ODAD2: variants seen among roughly 807,000 people sequenced by gnomAD.
The protein encoded by ODAD2 is outer dynein arm-docking complex subunit 2.
A neutral mutation model predicts 106.8 loss-of-function variants in ODAD2; 89 were observed. The ratio of observed to expected loss-of-function variants is 0.83; its 90% CI spans 0.70 to 0.99. The LOEUF is 0.99. Among genes scored for constraint, ODAD2 ranks in the 50% least tolerant of loss-of-function variants. The probability of loss-of-function intolerance (pLI) is 0.00; values close to 1 mark genes in which losing one functional copy is unlikely to be tolerated. For synonymous variants in ODAD2, 404 were observed against 436.2 expected, an observed-to-expected ratio of 0.93 and a Z score of 0.92; for missense variants, 1,168 against 1,238.5, an observed-to-expected ratio of 0.94 and a Z score of 0.85.
chr10:27,966,397 C>G (rs1833058), intron 9 of ODAD2, among the ~76,000 whole-genome samples: 57,753 of 152,084 alleles, frequency 0.38, 12,366 homozygotes, highest in Middle Eastern at 0.59. Flanking sequence ...TCCTGGAGTT[C>G]AGGGCAGAGT....
chr10:27,848,256 G>A (rs563952590), intron 19 of ODAD2, among the ~76,000 whole-genome samples: 1 of 152,228 alleles, frequency 6.6e-6, no homozygotes, highest in Admixed American at 6.5e-5. Context: ...AGAGCCCTCA[G>A]AAATAATACT....
chr10:27,851,196 C>T (rs915977045), intron 19 of ODAD2, among the ~76,000 whole-genome samples: 2 of 152,108 alleles, frequency 1.3e-5, no homozygotes, highest in African/African-American at 4.8e-5. Flanking sequence ...TCATAATGCA[C>T]AGGGTATCAG....
At chr10:27,877,141 C>T (rs1433338387) in intron 17 of ODAD2, among the ~76,000 whole-genome samples, 1 of 152,148 alleles carries the variant, frequency 6.6e-6, no homozygotes, top group African/African-American at 2.4e-5. Flanking sequence ...AGAGTATTAG[C>T]TGTGTCTGAT....
chr10:27,990,565 A>G (rs1850166508), intron 2 of ODAD2, among the ~76,000 whole-genome samples: 1 of 152,256 alleles, frequency 6.6e-6, no homozygotes, highest in South Asian at 2.1e-4. Flanking sequence ...GTCCTCAGGG[A>G]CAAAAAATAA....
intron 19 of ODAD2, among the ~76,000 whole-genome samples, chr10:27,839,377 G>T (rs1289054700): frequency 2.0e-5 from 3 of 152,124 alleles, no homozygotes; most frequent in Non-Finnish European, 4.4e-5. Context: ...TAACTCAGAG[G>T]GAAATGACTT....
At chr10:27,863,227 C>G (rs1158991778) in intron 17 of ODAD2, among the ~76,000 whole-genome samples, 1 of 152,192 alleles carries the variant, frequency 6.6e-6, no homozygotes, top group African/African-American at 2.4e-5. Flanking sequence ...CACACCACAG[C>G]CTTCTTGCCC....
intron 17 of ODAD2, among the ~76,000 whole-genome samples, chr10:27,871,982 C>G (rs1370844294): frequency 1.3e-5 from 2 of 152,192 alleles, no homozygotes; most frequent in Non-Finnish European, 2.9e-5. Flanking sequence ...TTCTTCCTAT[C>G]CAAGAGCATG....
intron 16 of ODAD2, 91 bp from the exon 17 acceptor site, chr10:27,907,868 C>A: frequency 1.1e-6 from 1 of 899,126 alleles, no homozygotes; most frequent in East Asian, 2.7e-5. Context: ...ATTTTTTCTC[C>A]TTTTGATATT....
intron 10 of ODAD2, among the ~76,000 whole-genome samples, chr10:27,948,033 A>G (rs1447313039): frequency 6.6e-6 from 1 of 152,188 alleles, no homozygotes; most frequent in East Asian, 1.9e-4. Context: ...TTTTACTATA[A>G]CCAATGACAT....
rs987899802 is a variant in ODAD2 at position 27,864,674 on chromosome 10, T to G, written c.2611-2052A>C. Among the ~76,000 whole-genome samples, 7 of 151,592 alleles carry G rather than the reference T, an allele frequency of 4.6e-5. No homozygotes were observed. The South Asian group carries it at 1.5e-3, about 32-fold the overall frequency. On this transcript the variant is annotated intron_variant, in intron 17 of 19. Transcript: ENST00000305242. ...AGTGGGCTCTTTCTGGTGTCCCAGG[T>G]GTGGGCCAAGGAAAAGAATTTGTCA...
At chr10:27,837,156 G>A (rs1342860723) in intron 19 of ODAD2, among the ~76,000 whole-genome samples, 2 of 152,226 alleles carry the variant, frequency 1.3e-5, no homozygotes, top group Admixed American at 6.5e-5. Flanking sequence ...CATCTCGGCT[G>A]CCTCTCTGGG....
chr10:27,995,108 G>T lies in ODAD2; in HGVS notation c.35C>A (p.Thr12Asn), dbSNP rs1588679663. Residue 12 changes from threonine (T) to asparagine (N), a missense_variant, in exon 2 of 20, where the codon ACT becomes AAT. Physicochemically the swap from Thr to Asn is moderately conservative, Grantham distance 65. This residue lies in a region of ODAD2 where 430 missense variants were observed against 452.2 expected (regional missense o/e 0.95). Transcript: ENST00000305242. ...GATTCCAGTTCCATGTCCGGCAGCAGTCCACTGCGTCAATTTCCTCAGAGC... is the reference window on the plus strand; with the variant it reads ...GATTCCAGTTCCATGTCCGGCAGCATTCCACTGCGTCAATTTCCTCAGAGC... ...GVALRKLTQW[T>N]AAGHGTGILE... 10 of 1,614,120 alleles carry T rather than the reference G, an allele frequency of 6.2e-6. No homozygotes were observed. The South Asian group carries it at 9.9e-5, about 16-fold the overall frequency.
At chr10:27,941,575 C>T (rs951712263) in intron 12 of ODAD2, among the ~76,000 whole-genome samples, 1 of 145,386 alleles carries the variant, frequency 6.9e-6, no homozygotes, top group African/African-American at 2.5e-5. Flanking sequence ...CCAAACCAAA[C>T]AGCACAACTG....
intron 3 of ODAD2, among the ~76,000 whole-genome samples, chr10:27,987,027 G>T (rs1849915296): frequency 6.6e-6 from 1 of 152,168 alleles, no homozygotes. Context: ...GGATTCAGAG[G>T]CCAGCCCTTG....
At chr10:27,955,872 G>A (rs1847692992) in intron 10 of ODAD2, among the ~76,000 whole-genome samples, 1 of 152,056 alleles carries the variant, frequency 6.6e-6, no homozygotes, top group Non-Finnish European at 1.5e-5. Context: ...ACCTGCCAGG[G>A]AGGAGCTCTG....
chr10:27,939,901 T>C lies in ODAD2; in HGVS notation c.2093A>G (p.Tyr698Cys). Residue 698 changes from tyrosine (Y) to cysteine (C), a missense_variant, in exon 14 of 20, where the codon TAC becomes TGC. Tyr to Cys is a radical substitution (Grantham distance 194, BLOSUM62 -2). Transcript: ENST00000305242. ...QLQEHCAMAI[Y>C]QCAEDKETRD... is the part of the protein sequence containing the mutation. ...CGCTGGGAGAGTTCACTGCACCTGG[T>C]AAATGGCCATGGCGCAGTGCTCCTG... is the stretch of plus-strand genomic sequence containing the variant. 1.3e-6 allele frequency: 2 copies of C among 1,595,524 alleles called. No homozygotes were observed. Among genetic ancestry groups the C allele is most frequent in the Non-Finnish European group, 1.7e-6 (2 of 1,170,674 alleles).
chr10:27,972,299 A>G (rs1564565317), intron 7 of ODAD2, among the ~76,000 whole-genome samples: 2 of 152,212 alleles, frequency 1.3e-5, no homozygotes, highest in Admixed American at 1.3e-4. Flanking sequence ...CTAGTAAACC[A>G]ATAGCATAAA....
chr10:27,886,991 A>C (rs916162222), intron 17 of ODAD2, among the ~76,000 whole-genome samples: 1 of 152,022 alleles, frequency 6.6e-6, no homozygotes, highest in African/African-American at 2.4e-5. Flanking sequence ...ACAGAAAACA[A>C]AGCACAAAAC....
chr10:27,957,479 C>A (rs533321186), intron 10 of ODAD2: 1 of 152,262 alleles, frequency 6.6e-6, no homozygotes, highest in South Asian at 2.1e-4. Context: ...GACAGACAAC[C>A]TGAACCATCA....
Sources: allele counts gnomAD v4.1 joint callset (sites outside exome capture counted in the v4.1 genomes callset), GRCh38; gene constraint gnomAD v4.1.1; regional missense constraint gnomAD v4.1.1; transcripts MANE v1.5; gene names NCBI Gene and HGNC (gene_info 2026-07-23, HGNC 2026-07-21).